The following ASPRV1 variants were observed in gnomAD, a reference collection of about 807,000 sequenced individuals.
ASPRV1 encodes the protein aspartic peptidase retroviral like 1.
A neutral mutation model predicts 11.0 loss-of-function variants in ASPRV1; 7 were observed. The observed-to-expected ratio is 0.64, with a 90% CI of 0.36 to 1.20. The LOEUF (loss-of-function observed/expected upper bound fraction) is 1.20. ASPRV1 is among the 50% of genes most tolerant of loss of function. The probability of loss-of-function intolerance (pLI) is 0.02; values close to 1 mark genes in which losing one functional copy is unlikely to be tolerated. For missense variants in ASPRV1, 299 were observed against 320.0 expected (o/e 0.93, Z 0.50); for synonymous variants, 136 against 138.4 (o/e 0.98, Z 0.12).
the ASPRV1 span, among the ~76,000 whole-genome samples, chr2:70,076,547 T>C: frequency 6.6e-6 from 1 of 152,230 alleles, no homozygotes; most frequent in African/African-American, 2.4e-5. Flanking sequence ...ATCCTCATTG[T>C]ACAAATACAG....
chr2:70,052,621 T>C, the ASPRV1 span, among the ~76,000 whole-genome samples: 1 of 152,126 alleles, frequency 6.6e-6, no homozygotes, highest in Non-Finnish European at 1.5e-5. Flanking sequence ...TCTACACACC[T>C]CCTCAAGTTC....
the ASPRV1 span, among the ~76,000 whole-genome samples, chr2:69,985,705 G>A: frequency 2.0e-5 from 3 of 152,214 alleles, no homozygotes; most frequent in African/African-American, 7.2e-5. Flanking sequence ...TGCAGGTCCA[G>A]GATAGAAAGA....
chr2:69,979,412 C>G, the ASPRV1 span, among the ~76,000 whole-genome samples: 1 of 152,196 alleles, frequency 6.6e-6, no homozygotes, highest in Non-Finnish European at 1.5e-5. Flanking sequence ...AGTGTCTGGG[C>G]TCCTTGTAGT....
At chr2:70,018,287 A>G in the ASPRV1 span, among the ~76,000 whole-genome samples, 6 of 152,130 alleles carry the variant, frequency 3.9e-5, no homozygotes, top group African/African-American at 1.4e-4. Flanking sequence ...ACACACACAA[A>G]ACATGGAAAG....
At chr2:69,992,804 TAATTA>T in the ASPRV1 span, among the ~76,000 whole-genome samples, 4 of 152,238 alleles carry the variant, frequency 2.6e-5, no homozygotes, top group African/African-American at 9.6e-5. Context: ...CATCATTTTG[TAATTA>T]AATTAGATTT....
the ASPRV1 span, among the ~76,000 whole-genome samples, chr2:70,074,033 G>T: frequency 1.3e-5 from 2 of 148,158 alleles, no homozygotes; most frequent in African/African-American, 5.0e-5. Flanking sequence ...ACTCGGGAGG[G>T]TGAGGCAGGA....
chr2:69,999,338 A>G, the ASPRV1 span, among the ~76,000 whole-genome samples: 1 of 152,118 alleles, frequency 6.6e-6, no homozygotes, highest in East Asian at 1.9e-4. Context: ...GAATATATTA[A>G]TATAAATTCT....
the ASPRV1 span, chr2:70,071,880 G>A: frequency 6.6e-6 from 1 of 152,180 alleles, no homozygotes; most frequent in East Asian, 1.9e-4. Flanking sequence ...AAGGCGGGAG[G>A]ACTGATTGAG....
chr2:70,008,476 A>G, the ASPRV1 span, among the ~76,000 whole-genome samples: 33,617 of 152,022 alleles, frequency 0.22, 6,482 homozygotes, highest in African/African-American at 0.48. Context: ...CTGGCAGCAG[A>G]GGCAGCCAGG....
the ASPRV1 span, among the ~76,000 whole-genome samples, chr2:69,999,878 C>A: frequency 6.6e-6 from 1 of 151,802 alleles, no homozygotes; most frequent in Non-Finnish European, 1.5e-5. Flanking sequence ...TGAGTCACCC[C>A]GGGCTCCTCC....
the ASPRV1 span, among the ~76,000 whole-genome samples, chr2:70,006,411 G>T: frequency 6.6e-6 from 1 of 152,172 alleles, no homozygotes; most frequent in Non-Finnish European, 1.5e-5. Context: ...CCTTAGGTGG[G>T]TGTAAATCTT....
chr2:70,046,542 G>C, the ASPRV1 span: 1 of 152,180 alleles, frequency 6.6e-6, no homozygotes, highest in Non-Finnish European at 1.5e-5. Context: ...CACAATTCAG[G>C]ATGGGAGTTC....
the ASPRV1 span, among the ~76,000 whole-genome samples, chr2:69,979,390 C>T: frequency 6.6e-6 from 1 of 152,310 alleles, no homozygotes; most frequent in East Asian, 1.9e-4. Flanking sequence ...CTCTCCTTTG[C>T]CTCTTTGTTT....
the ASPRV1 span, among the ~76,000 whole-genome samples, chr2:70,035,850 A>G: frequency 2.0e-5 from 3 of 151,512 alleles, no homozygotes; most frequent in Non-Finnish European, 4.4e-5. Context: ...AAAAATAAAC[A>G]AACCTAATGA....
upstream of ASPRV1, among the ~76,000 whole-genome samples, chr2:69,965,940 C>T (rs569337701): frequency 2.0e-5 from 3 of 152,352 alleles, no homozygotes; most frequent in East Asian, 1.9e-4. Flanking sequence ...AGAACCTGTT[C>T]TTCCCATTTG....
At chr2:69,977,943 G>A in the ASPRV1 span, among the ~76,000 whole-genome samples, 5,102 of 152,298 alleles carry the variant, frequency 0.034, 103 homozygotes, top group Middle Eastern at 0.061. Context: ...ATGAGCCCCA[G>A]AAGTGGGTCC....
chr2:70,073,999 T>C, the ASPRV1 span, among the ~76,000 whole-genome samples: 2 of 151,266 alleles, frequency 1.3e-5, no homozygotes, highest in African/African-American at 2.4e-5. Flanking sequence ...CCGGGCATGG[T>C]GGCGGGCGCC....
At chr2:70,067,473 G>A in the ASPRV1 span, among the ~76,000 whole-genome samples, 9 of 152,116 alleles carry the variant, frequency 5.9e-5, no homozygotes, top group Non-Finnish European at 1.3e-4. Context: ...CCCAAAAACT[G>A]GAAATACCTT....
chr2:70,017,852 G>A, the ASPRV1 span, among the ~76,000 whole-genome samples: 19,454 of 151,942 alleles, frequency 0.13, 1,823 homozygotes, highest in South Asian at 0.24. Context: ...AAAATACTTC[G>A]GAATAGGCTG....
Sources: allele counts gnomAD v4.1 joint callset (sites outside exome capture counted in the v4.1 genomes callset), GRCh38; gene constraint gnomAD v4.1.1; transcripts MANE v1.5; gene names NCBI Gene and HGNC (gene_info 2026-07-23, HGNC 2026-07-21).